ROBO2: variants seen among roughly 807,000 people sequenced by gnomAD.
ROBO2 encodes roundabout homolog 2.
ROBO2 carries 53 observed loss-of-function variants against 160.8 expected under a neutral mutation model. That is an observed-to-expected ratio of 0.33 (90% confidence interval 0.26 to 0.41). The LOEUF (loss-of-function observed/expected upper bound fraction) is 0.41, where lower values mean the gene tolerates loss of function less well. Among genes scored for constraint, ROBO2 ranks in the 10% least tolerant of loss-of-function variants. The probability of loss-of-function intolerance (pLI) is 1.00; values close to 1 mark genes in which losing one functional copy is unlikely to be tolerated. For synonymous variants in ROBO2, 664 were observed against 611.7 expected (o/e 1.09, Z -1.26); for missense variants, 1,577 against 1,722.4 (o/e 0.92, Z 1.49).
chr3:76,283,027 TAAGAA>T (rs1365775587), intron 2 of ROBO2, among the ~76,000 whole-genome samples: 7 of 120,688 alleles, frequency 5.8e-5, no homozygotes. Flanking sequence ...TTCTTTATTT[TAAGAA>T]AAAAAAATCT....
chr3:76,158,615 G>C (rs989053591), intron 2 of ROBO2, among the ~76,000 whole-genome samples: 2 of 152,028 alleles, frequency 1.3e-5, no homozygotes, highest in African/African-American at 2.4e-5. Context: ...GGAGAGAGGT[G>C]GTATGCAGTG....
intron 2 of ROBO2, among the ~76,000 whole-genome samples, chr3:77,126,212 G>A (rs2075301410): frequency 6.6e-6 from 1 of 152,196 alleles, no homozygotes. Flanking sequence ...TGTAGCTGAG[G>A]AGAGGAATAA....
At chr3:76,662,299 T>C (rs1326576299) in intron 2 of ROBO2, among the ~76,000 whole-genome samples, 2 of 152,232 alleles carry the variant, frequency 1.3e-5, no homozygotes, top group African/African-American at 4.8e-5. Flanking sequence ...CTGACCATGT[T>C]ACCATAGGGC....
At chr3:76,494,078 T>C (rs1036732684) in intron 2 of ROBO2, among the ~76,000 whole-genome samples, 1 of 152,022 alleles carries the variant, frequency 6.6e-6, no homozygotes, top group Non-Finnish European at 1.5e-5. Flanking sequence ...ATGGCTGATA[T>C]GTACGTGAAT....
intron 2 of ROBO2, among the ~76,000 whole-genome samples, chr3:76,754,533 C>T (rs1316872563): frequency 6.6e-6 from 1 of 151,806 alleles, no homozygotes; most frequent in Non-Finnish European, 1.5e-5. Flanking sequence ...AAATCACATG[C>T]CTTATGATGT....
chr3:77,607,695 A>T, intron 20 of ROBO2, 103 bp from the exon 22 acceptor site: 1 of 1,019,846 alleles, frequency 9.8e-7, no homozygotes, highest in Admixed American at 1.8e-5. Context: ...CAACTCCAAC[A>T]TACTGATTCT....
At chr3:76,017,166 C>T (rs1559836474) in intron 2 of ROBO2, among the ~76,000 whole-genome samples, 3 of 152,140 alleles carry the variant, frequency 2.0e-5, no homozygotes, top group African/African-American at 7.2e-5. Flanking sequence ...TGGCACCTTC[C>T]ATGGCAACAG....
chr3:76,190,364 T>C (rs1256677731), intron 2 of ROBO2, among the ~76,000 whole-genome samples: 1 of 152,104 alleles, frequency 6.6e-6, no homozygotes, highest in African/African-American at 2.4e-5. Context: ...ACTAATAAAA[T>C]CTTATGCCTT....
At chr3:76,600,471 G>A (rs1243263068) in intron 2 of ROBO2, among the ~76,000 whole-genome samples, 1 of 152,176 alleles carries the variant, frequency 6.6e-6, no homozygotes, top group Non-Finnish European at 1.5e-5. Flanking sequence ...TTGACTCATA[G>A]TTCCACATGG....
At chr3:77,026,680 C>T (rs751648454) in intron 2 of ROBO2, among the ~76,000 whole-genome samples, 1 of 152,220 alleles carries the variant, frequency 6.6e-6, no homozygotes, top group African/African-American at 2.4e-5. Context: ...CTTTAGAAGT[C>T]ACTATTTCAT....
rs752040148 is a variant in ROBO2, at chr3:77,481,113, A to T, written c.561A>T (p.Lys187Asn). 10 of 1,612,264 alleles carry T rather than the reference A, an allele frequency of 6.2e-6. No homozygotes were observed. In the East Asian group the frequency reaches 2.0e-4, roughly 32 times the overall value. The change falls in exon 4 of 26, where the codon AAA becomes AAT. Residue 187 changes from lysine to asparagine, a missense_variant. Coordinates refer to ENST00000461745, the Ensembl canonical transcript of ROBO2. ...GATTTTAACAGATCCGTGGTGGAAAACTGATGATCTCCAATACCAGGAAAA... is the reference window on the plus strand; with the variant it reads ...GATTTTAACAGATCCGTGGTGGAAATCTGATGATCTCCAATACCAGGAAAA...
In ROBO2 at chr3:76,085,108, T is replaced by TACACAC. The variant is rs1448626428; in HGVS notation, c.109+147507_109+147508insCACACA. On this transcript the variant is annotated intron_variant, in intron 2 of 26. Transcript: ENST00000487694. ...ACACAAACCCCCCAGTTTACATATA[T>TACACAC]ATATATATACACACACACACACACA... Among the ~76,000 whole-genome samples the TACACAC allele has an allele frequency of 1.0e-4, 13 of 129,238 alleles. No individual in the cohort carries two copies. In the East Asian group the frequency reaches 2.5e-3, roughly 25 times the overall value. 84.8% of individuals were successfully genotyped at this position (129,238 alleles called of 152,430 possible). A position where few individuals can be genotyped will look rare whatever the true frequency, so the allele number is the denominator to read the frequency against.
chr3:76,225,418 T>G (rs922703097), intron 2 of ROBO2, among the ~76,000 whole-genome samples: 3 of 152,186 alleles, frequency 2.0e-5, no homozygotes, highest in Admixed American at 1.3e-4. Context: ...ATTTCCTAAT[T>G]TGAAAATGAA....
At chr3:76,522,910 G>A (rs2081712191) in intron 2 of ROBO2, among the ~76,000 whole-genome samples, 1 of 150,664 alleles carries the variant, frequency 6.6e-6, no homozygotes, top group Non-Finnish European at 1.5e-5. Flanking sequence ...GTGATGATTT[G>A]TATATACAGA....
intron 2 of ROBO2, among the ~76,000 whole-genome samples, chr3:76,755,887 A>C (rs1314712962): frequency 6.6e-6 from 1 of 151,846 alleles, no homozygotes; most frequent in South Asian, 2.1e-4. Flanking sequence ...TAATCCAACC[A>C]TTGTATCCCT....
intron 2 of ROBO2, among the ~76,000 whole-genome samples, chr3:76,374,417 T>C (rs983296960): frequency 6.6e-6 from 1 of 152,034 alleles, no homozygotes. Context: ...TCACTTACAA[T>C]TTTATTTTAG....
intron 2 of ROBO2, among the ~76,000 whole-genome samples, chr3:76,724,688 T>C (rs1163263200): frequency 6.6e-6 from 1 of 152,118 alleles, no homozygotes; most frequent in Non-Finnish European, 1.5e-5. Flanking sequence ...AATATGTCCG[T>C]AGTAGGCTGA....
intron 4 of ROBO2, among the ~76,000 whole-genome samples, chr3:77,481,574 G>A (rs2084696737): frequency 1.3e-5 from 2 of 152,024 alleles, no homozygotes; most frequent in Non-Finnish European, 2.9e-5. Flanking sequence ...AAGATACAGG[G>A]TAAGGATTTT....
At chr3:77,356,560 T>A (rs938167813) in intron 2 of ROBO2, among the ~76,000 whole-genome samples, 3 of 152,182 alleles carry the variant, frequency 2.0e-5, no homozygotes, top group African/African-American at 7.2e-5. Flanking sequence ...GAGGCCTCTA[T>A]AACAAAAGGC....
Sources: gnomAD v4.1 joint callset for allele counts (sites outside exome capture counted in the v4.1 genomes callset) on GRCh38, gnomAD v4.1.1 for gene constraint, MANE v1.5 for transcripts, NCBI Gene and HGNC (gene_info 2026-07-23, HGNC 2026-07-21) for gene names.